Variants in BARX2 observed in about 807,000 individuals in gnomAD.
The protein encoded by BARX2 is homeobox protein BarH-like 2.
BARX2 carries 11 observed loss-of-function variants against 25.5 expected under a neutral mutation model. The ratio of observed to expected loss-of-function variants is 0.43; its 90% confidence interval spans 0.27 to 0.71. The LOEUF (loss-of-function observed/expected upper bound fraction) is 0.71, where lower values mean the gene tolerates loss of function less well. Among genes scored for constraint, BARX2 ranks in the 30% least tolerant of loss-of-function variants. The pLI is 0.19. For synonymous variants in BARX2, 137 were observed against 149.5 expected (o/e 0.92, Z 0.61); for missense variants, 360 against 359.9 (o/e 1.00, Z 0.00).
chr11:129,406,119 TA>T (rs1462116920), intron 1 of BARX2, among the ~76,000 whole-genome samples: 4 of 152,202 alleles, frequency 2.6e-5, no homozygotes, highest in Non-Finnish European at 5.9e-5. Flanking sequence ...AATCAATATT[TA>T]AAAAATAATA....
chr11:129,410,412 T>C (rs1861874294), intron 1 of BARX2, among the ~76,000 whole-genome samples: 1 of 152,230 alleles, frequency 6.6e-6, no homozygotes, highest in African/African-American at 2.4e-5. Flanking sequence ...TTCTACCCCC[T>C]GAATTCCCTC....
chr11:129,399,854 A>C (rs1274624026), intron 1 of BARX2, among the ~76,000 whole-genome samples: 1 of 152,146 alleles, frequency 6.6e-6, no homozygotes, highest in Non-Finnish European at 1.5e-5. Context: ...GGCAATGGTA[A>C]ACTGACCTGG....
chr11:129,426,246 T>C (rs1029358665), intron 1 of BARX2, among the ~76,000 whole-genome samples: 1 of 152,172 alleles, frequency 6.6e-6, no homozygotes, highest in African/African-American at 2.4e-5. Flanking sequence ...GCTTACAGAT[T>C]ATGCGTATGG....
intron 1 of BARX2, among the ~76,000 whole-genome samples, chr11:129,394,728 C>A (rs1861699936): frequency 6.6e-6 from 1 of 152,066 alleles, no homozygotes; most frequent in Admixed American, 6.5e-5. Context: ...ATTAATAAAG[C>A]TTTTTCATCC....
chr11:129,375,728 G>A (rs1416037194), upstream of BARX2, among the ~76,000 whole-genome samples: 2 of 152,042 alleles, frequency 1.3e-5, no homozygotes, highest in East Asian at 1.9e-4. This position sits in a 1 kb window ranked among gnomAD's most constrained non-coding sequence, Gnocchi z 4.0. Context: ...TGGCACGGGC[G>A]GGCGGGGGCG....
intron 1 of BARX2, among the ~76,000 whole-genome samples, chr11:129,434,806 A>G (rs1234155006): frequency 6.6e-6 from 1 of 152,214 alleles, no homozygotes; most frequent in African/African-American, 2.4e-5. Context: ...ACTCCCACCA[A>G]CAATATATGA....
At chr11:129,441,965 G>A (rs543494012) in intron 2 of BARX2, among the ~76,000 whole-genome samples, 3 of 152,304 alleles carry the variant, frequency 2.0e-5, no homozygotes, top group East Asian at 3.9e-4. Flanking sequence ...TGGTGGGTGT[G>A]TTAGATTTAG....
chr11:129,404,625 T>A (rs956298501), intron 1 of BARX2, among the ~76,000 whole-genome samples: 1 of 152,198 alleles, frequency 6.6e-6, no homozygotes. Flanking sequence ...GCGAGAGTAA[T>A]GTTGGCTAAT....
At chr11:129,435,391 G>C (rs1320623126) in intron 1 of BARX2, among the ~76,000 whole-genome samples, 1 of 152,162 alleles carries the variant, frequency 6.6e-6, no homozygotes, top group Non-Finnish European at 1.5e-5. Flanking sequence ...ACTGTGACTG[G>C]GGGCCAAACA....
chr11:129,443,474 G>A (rs1181230144), intron 3 of BARX2, among the ~76,000 whole-genome samples: 1 of 152,156 alleles, frequency 6.6e-6, no homozygotes, highest in Non-Finnish European at 1.5e-5. Flanking sequence ...ACTTTGGTGG[G>A]CATTAGCGTC....
intron 1 of BARX2, among the ~76,000 whole-genome samples, chr11:129,394,287 T>C (rs1429465496): frequency 2.0e-5 from 3 of 152,218 alleles, no homozygotes; most frequent in Admixed American, 6.5e-5. Flanking sequence ...TTTATCTGTT[T>C]TGTTGATGGG....
chr11:129,438,675 G>A lies in BARX2; in HGVS notation c.488+1624G>A, dbSNP rs1303756056. ...GTAAGGGCCTTCTGGGTGCCACTGGGGCACTGTGGCAGGGATTACGGGTCC... is the reference window on the plus strand; with the variant it reads ...GTAAGGGCCTTCTGGGTGCCACTGGAGCACTGTGGCAGGGATTACGGGTCC... On this transcript the variant is annotated intron_variant, in intron 2 of 3. Transcript: ENST00000281437. Among the ~76,000 whole-genome samples the A allele has an allele frequency of 3.3e-5, 5 of 152,308 alleles. No individual in the cohort carries two copies. The East Asian group carries it at 7.7e-4, about 23-fold the overall frequency.
In BARX2 at chr11:129,442,822, T is replaced by C. The variant is rs983358283; in HGVS notation, c.489-13T>C. 6.2e-7 allele frequency: 1 copy of C among 1,609,582 alleles called. No homozygotes were observed. ...ATTCTGCTCACCTTTCCTTTGTATCTTGTGCCTTCTAGGTTGGACTTGGCT... is the reference window on the plus strand; with the variant it reads ...ATTCTGCTCACCTTTCCTTTGTATCCTGTGCCTTCTAGGTTGGACTTGGCT... On this transcript the variant is annotated splice_polypyrimidine_tract_variant and intron_variant, in intron 2 of 3. Transcript: ENST00000281437.
At chr11:129,413,717 A>T (rs1428359729) in intron 1 of BARX2, among the ~76,000 whole-genome samples, 1 of 152,158 alleles carries the variant, frequency 6.6e-6, no homozygotes, top group Admixed American at 6.5e-5. Flanking sequence ...GAAAGGTGTC[A>T]TCGGCACCTT....
At chr11:129,391,493 G>GT (rs1161755593) in intron 1 of BARX2, among the ~76,000 whole-genome samples, 1 of 152,136 alleles carries the variant, frequency 6.6e-6, no homozygotes, top group East Asian at 1.9e-4. Flanking sequence ...CCACTAGACT[G>GT]TTGGAAGCAG....
intron 2 of BARX2, among the ~76,000 whole-genome samples, chr11:129,440,501 G>A (rs1027220031): frequency 6.6e-6 from 1 of 152,218 alleles, no homozygotes; most frequent in African/African-American, 2.4e-5. Flanking sequence ...TGCTTGGGAA[G>A]CAGTGCTTCA....
chr11:129,413,373 A>G (rs1205008468), intron 1 of BARX2, among the ~76,000 whole-genome samples: 1 of 152,192 alleles, frequency 6.6e-6, no homozygotes, highest in Non-Finnish European at 1.5e-5. Context: ...GTAGGACCAG[A>G]GTCGGCAGCA....
intron 1 of BARX2, among the ~76,000 whole-genome samples, chr11:129,401,391 G>T (rs1861774166): frequency 6.6e-6 from 1 of 152,200 alleles, no homozygotes; most frequent in Non-Finnish European, 1.5e-5. Context: ...AGTCCTGGAG[G>T]AAACCAGAGG....
chr11:129,410,320 A>C (rs1861872670), intron 1 of BARX2, among the ~76,000 whole-genome samples: 1 of 152,010 alleles, frequency 6.6e-6, no homozygotes, highest in Admixed American at 6.6e-5. Flanking sequence ...TTCCTTTTTG[A>C]AATCACATAC....
Sources: allele counts gnomAD v4.1 joint callset (sites outside exome capture counted in the v4.1 genomes callset), GRCh38; gene constraint gnomAD v4.1.1; non-coding constraint Gnocchi (gnomAD v3.1); transcripts MANE v1.5; gene names NCBI Gene and HGNC (gene_info 2026-07-23, HGNC 2026-07-21).